The following CNPY1 variants were observed in gnomAD, a reference collection of about 807,000 sequenced individuals.
The protein encoded by CNPY1 is canopy FGF signaling regulator 1, also known as protein canopy homolog 1.
In CNPY1, 14 loss-of-function variants were observed where a neutral mutation model predicts 14.4. The ratio of observed to expected loss-of-function variants is 0.97; its 90% confidence interval spans 0.64 to 1.52. The LOEUF is 1.52. Ranked by LOEUF, CNPY1 falls within the 40% of genes most tolerant of loss-of-function variation. The pLI, the probability that CNPY1 is intolerant of heterozygous loss-of-function variation, is 0.00. For missense variants in CNPY1, 129 were observed against 131.5 expected (o/e 0.98, Z 0.09); for synonymous variants, 43 against 46.5 (o/e 0.92, Z 0.31).
At chr7:155,542,364 C>T (rs1406763465) in intron 2 of CNPY1, among the ~76,000 whole-genome samples, 1 of 152,128 alleles carries the variant, frequency 6.6e-6, no homozygotes, top group Non-Finnish European at 1.5e-5. Context: ...GTCAGAGCAC[C>T]CCTTGCTCAT....
intron 2 of CNPY1, among the ~76,000 whole-genome samples, chr7:155,534,065 C>T (rs1796990933): frequency 1.3e-5 from 2 of 152,152 alleles, no homozygotes; most frequent in East Asian, 1.9e-4. Context: ...AGCACTGCGT[C>T]CCCCTAGGAC....
At chr7:155,508,827 C>T in intron 3 of CNPY1, 67 bp downstream of exon 3, 1 of 1,536,668 alleles carries the variant, frequency 6.5e-7, no homozygotes, top group East Asian at 2.3e-5. Context: ...GAGTAGAAAA[C>T]AACAAAAAAG....
At chr7:155,516,893 G>A (rs756319687) in intron 2 of CNPY1, among the ~76,000 whole-genome samples, 23 of 152,204 alleles carry the variant, frequency 1.5e-4, no homozygotes, top group Non-Finnish European at 2.6e-4. Flanking sequence ...CTGAGCTGTC[G>A]TGGGCGTTGC....
chr7:155,532,229 G>C (rs963773647), intron 2 of CNPY1, among the ~76,000 whole-genome samples: 3 of 152,212 alleles, frequency 2.0e-5, no homozygotes, highest in African/African-American at 7.2e-5. Context: ...TCACAGAAGA[G>C]AGCTGTGTCT....
intron 2 of CNPY1, among the ~76,000 whole-genome samples, chr7:155,512,208 G>T (rs951655437): frequency 6.6e-6 from 1 of 152,182 alleles, no homozygotes; most frequent in African/African-American, 2.4e-5. Context: ...GGCCTGTGTA[G>T]CCAGAGAAAA....
At chr7:155,531,900 C>G (rs1412140600) in intron 2 of CNPY1, among the ~76,000 whole-genome samples, 1 of 152,208 alleles carries the variant, frequency 6.6e-6, no homozygotes, top group Non-Finnish European at 1.5e-5. Flanking sequence ...CCACTGTCAG[C>G]CCGGAAGCAA....
chr7:155,527,054 C>CTTTCTTTCTTTCTTTCTTTCTTTTTCTT (rs56296833), intron 2 of CNPY1, among the ~76,000 whole-genome samples: 1 of 90,344 alleles, frequency 1.1e-5, no homozygotes, highest in Non-Finnish European at 2.0e-5. Context: ...TTCTTTCTTT[C>CTTTCTTTCTTTCTTTCTTTCTTTTTCTT]TTTTTTTTTT....
intron 2 of CNPY1, among the ~76,000 whole-genome samples, chr7:155,532,627 AGAG>A (rs1796960209): frequency 1.3e-5 from 2 of 152,168 alleles, no homozygotes; most frequent in South Asian, 4.1e-4. Context: ...TCTCAAAAAT[AGAG>A]GGAGGACCCC....
chr7:155,514,417 T>A (rs924429852), intron 2 of CNPY1, among the ~76,000 whole-genome samples: 1 of 152,212 alleles, frequency 6.6e-6, no homozygotes, highest in Admixed American at 6.5e-5. Context: ...AAGATCTGCA[T>A]GTTTCACCGT....
intron 2 of CNPY1, among the ~76,000 whole-genome samples, chr7:155,527,657 G>A (rs1454333152): frequency 6.9e-6 from 1 of 145,650 alleles, no homozygotes; most frequent in African/African-American, 2.6e-5. Flanking sequence ...TCCCTGTGTT[G>A]CCCAGGCTGG....
In CNPY1 at chr7:155,503,109, G is replaced by GA. The variant is rs35244674; in HGVS notation, c.401-5dup. The GA allele has an allele frequency of 0.062, 84,455 of 1,360,416 alleles. No individual in the cohort carries two copies. The highest frequency in any genetic ancestry group is 0.079 in the East Asian group (2,993 of 37,804). 84.3% of individuals were successfully genotyped at this position (1,360,416 alleles called of 1,614,324 possible). On this transcript the variant is annotated splice_region_variant and splice_polypyrimidine_tract_variant and intron_variant, in intron 4 of 4. Coordinates refer to ENST00000636446, the MANE Select transcript of CNPY1 (RefSeq NM_001393663.1). Reference sequence around the variant, plus strand: ...TTAGCAGAAGTTTCACACAGATCTGGAAAAAAAAAAAAAAGTAGATAGCAT... The same window carrying GA: ...TTAGCAGAAGTTTCACACAGATCTGGAAAAAAAAAAAAAAAGTAGATAGCAT...
chr7:155,544,978 C>T (rs558705913), intron 2 of CNPY1, among the ~76,000 whole-genome samples: 2 of 152,314 alleles, frequency 1.3e-5, no homozygotes, highest in Middle Eastern at 3.4e-3. Context: ...AGTTCAACCA[C>T]GGCACCTGTC....
chr7:155,527,054 C>CTTTCT (rs56296833), intron 2 of CNPY1, among the ~76,000 whole-genome samples: 75 of 90,362 alleles, frequency 8.3e-4, no homozygotes, highest in African/African-American at 1.2e-3. Context: ...TTCTTTCTTT[C>CTTTCT]TTTTTTTTTT....
At chr7:155,507,340 G>C (rs774317642) in intron 3 of CNPY1, among the ~76,000 whole-genome samples, 3 of 151,910 alleles carry the variant, frequency 2.0e-5, no homozygotes. Context: ...ATGATGAGTT[G>C]TGTTGGAAGA....
At position 155,502,642 on chromosome 7, in the gene CNPY1, A is replaced by G. The variant is rs1402243830; in HGVS notation, c.*426T>C. The G allele has an allele frequency of 1.9e-5, 3 of 157,424 alleles. No individual in the cohort carries two copies. The highest frequency in any genetic ancestry group is 6.5e-5 in the Admixed American group (1 of 15,496). The allele number at this position is 157,424 out of a possible 1,614,324, so 9.8% of individuals were successfully genotyped here. ...TGTTGCCATGTATTTCCTTAAATTT[A>G]TAGGCAATCAAGTATTTGAGGATTC... On this transcript the variant is annotated 3_prime_UTR_variant, in exon 5 of 5. Coordinates refer to ENST00000636446, the MANE Select transcript of CNPY1 (RefSeq NM_001393663.1).
chr7:155,532,042 G>T (rs1267241608), intron 2 of CNPY1, among the ~76,000 whole-genome samples: 3 of 152,242 alleles, frequency 2.0e-5, no homozygotes, highest in Non-Finnish European at 2.9e-5. Flanking sequence ...AATAAAGCAA[G>T]ATATGCGTCA....
chr7:155,543,183 C>T (rs71534198), intron 2 of CNPY1, among the ~76,000 whole-genome samples: 4,923 of 152,260 alleles, frequency 0.032, 143 homozygotes, highest in South Asian at 0.14. Context: ...GGGGTCCTGC[C>T]GCTCTGTGGC....
At chr7:155,542,422 G>A (rs1208729230) in intron 2 of CNPY1, among the ~76,000 whole-genome samples, 1 of 152,178 alleles carries the variant, frequency 6.6e-6, no homozygotes, top group African/African-American at 2.4e-5. Context: ...TGTGGGCATG[G>A]AAAGGCTCTT....
At chr7:155,544,577 C>T (rs541301713) in intron 2 of CNPY1, among the ~76,000 whole-genome samples, 10 of 152,334 alleles carry the variant, frequency 6.6e-5, no homozygotes. Flanking sequence ...GACAGGCACT[C>T]ACATCTTCCC....
Sources: gnomAD v4.1 joint callset for allele counts (sites outside exome capture counted in the v4.1 genomes callset) on GRCh38, gnomAD v4.1.1 for gene constraint, MANE v1.5 for transcripts, NCBI Gene and HGNC (gene_info 2026-07-23, HGNC 2026-07-21) for gene names.